The following PRR16 variants were observed in gnomAD, a reference collection of about 807,000 sequenced individuals.
PRR16 encodes the protein protein Largen.
Under a neutral mutation model 18.2 loss-of-function variants are expected in PRR16, and 6 were observed. The observed-to-expected ratio is 0.33, with a 90% CI of 0.18 to 0.65. The LOEUF (loss-of-function observed/expected upper bound fraction) is 0.65. Among genes scored for constraint, PRR16 ranks in the 30% least tolerant of loss-of-function variants. PRR16 has a pLI of 0.74. For synonymous variants in PRR16, 151 were observed against 147.8 expected (o/e 1.02, Z -0.16); for missense variants, 412 against 376.6 (o/e 1.09, Z -0.78).
At chr5:120,527,740 G>A (rs1465711853) in intron 1 of PRR16, among the ~76,000 whole-genome samples, 1 of 152,180 alleles carries the variant, frequency 6.6e-6, no homozygotes, top group Non-Finnish European at 1.5e-5. Context: ...GCTAGACAGG[G>A]TTGACAAATG....
At chr5:120,629,320 G>T (rs959679306) in intron 1 of PRR16, among the ~76,000 whole-genome samples, 2 of 151,928 alleles carry the variant, frequency 1.3e-5, no homozygotes, top group African/African-American at 4.8e-5. Context: ...ATAATTTTGA[G>T]TATATACTCA....
the PRR16 span, among the ~76,000 whole-genome samples, chr5:120,739,967 A>G: frequency 6.6e-6 from 1 of 152,186 alleles, no homozygotes; most frequent in African/African-American, 2.4e-5. Context: ...TTGATCCACT[A>G]AAATGTTTTA....
rs553764223 is a variant in PRR16 at position 120,592,868 on chromosome 5, G to A, written c.160-93086G>A. Among the ~76,000 whole-genome samples, 129 of 152,000 alleles carry A rather than the reference G, an allele frequency of 8.5e-4. 1 individual carries two copies. Among genetic ancestry groups the A allele is most frequent in the African/African-American group, 3.0e-3 (124 of 41,486 alleles). On this transcript the variant is annotated intron_variant, in intron 1 of 1. Coordinates refer to ENST00000407149, the MANE Select transcript of PRR16 (RefSeq NM_001300783.2). ...CTAAAAATATATTACTCTTTTTTTA[G>A]AGAAGCATGAGATAATTGAAGTTAC...
At chr5:120,670,006 A>G (rs1280520324) in intron 1 of PRR16, among the ~76,000 whole-genome samples, 6 of 152,132 alleles carry the variant, frequency 3.9e-5, no homozygotes, top group African/African-American at 9.6e-5. Flanking sequence ...AAAATAAACA[A>G]TACTTTTATT....
At chr5:120,650,452 A>G (rs1043686581) in intron 1 of PRR16, among the ~76,000 whole-genome samples, 17 of 150,790 alleles carry the variant, frequency 1.1e-4, no homozygotes, top group African/African-American at 3.7e-4. Context: ...AACATTAGGT[A>G]TATCTCCAAA....
chr5:120,689,897 T>C (rs867652361), downstream of PRR16, among the ~76,000 whole-genome samples: 57 of 152,042 alleles, frequency 3.7e-4, no homozygotes, highest in African/African-American at 1.2e-3. Context: ...TAAAGGGAAA[T>C]GAAACACATT....
the PRR16 span, among the ~76,000 whole-genome samples, chr5:120,793,774 G>T: frequency 6.6e-6 from 1 of 152,112 alleles, no homozygotes; most frequent in African/African-American, 2.4e-5. Flanking sequence ...GAGGAGTTAG[G>T]TGATTTCATT....
chr5:120,648,567 C>G (rs1755672854), intron 1 of PRR16, among the ~76,000 whole-genome samples: 1 of 152,170 alleles, frequency 6.6e-6, no homozygotes, highest in South Asian at 2.1e-4. Flanking sequence ...ATAAATATCT[C>G]TATTATTTTT....
chr5:120,727,084 T>C, the PRR16 span, among the ~76,000 whole-genome samples: 102 of 152,210 alleles, frequency 6.7e-4, 2 homozygotes, highest in East Asian at 0.018. Context: ...GATCATCCAC[T>C]GAATGATCAA....
the PRR16 span, among the ~76,000 whole-genome samples, chr5:120,740,605 A>T: frequency 6.6e-6 from 1 of 152,148 alleles, no homozygotes; most frequent in Non-Finnish European, 1.5e-5. Flanking sequence ...TATCAATACC[A>T]TACTGTCTTA....
At chr5:120,527,167 T>A (rs1751399378) in intron 1 of PRR16, among the ~76,000 whole-genome samples, 1 of 152,204 alleles carries the variant, frequency 6.6e-6, no homozygotes, top group Non-Finnish European at 1.5e-5. Context: ...AGGCTTTGTG[T>A]CTGAGAGGCA....
intron 1 of PRR16, among the ~76,000 whole-genome samples, chr5:120,522,036 G>A (rs573482802): frequency 1.3e-5 from 2 of 152,310 alleles, no homozygotes; most frequent in East Asian, 1.9e-4. Flanking sequence ...ATTCCATGGT[G>A]TATATGTGCC....
At chr5:120,722,466 ATAGTAAGGTCC>A in the PRR16 span, among the ~76,000 whole-genome samples, 1 of 152,054 alleles carries the variant, frequency 6.6e-6, no homozygotes, top group Non-Finnish European at 1.5e-5. Context: ...TATTGAATGT[ATAGTAAGGTCC>A]AGGTTTTGTA....
intron 1 of PRR16, among the ~76,000 whole-genome samples, chr5:120,562,905 G>C (rs1156610078): frequency 6.6e-6 from 1 of 151,930 alleles, no homozygotes; most frequent in Non-Finnish European, 1.5e-5. Flanking sequence ...TTTAAGAGTA[G>C]GTTGTATATT....
the PRR16 span, among the ~76,000 whole-genome samples, chr5:120,731,786 T>G: frequency 2.0e-5 from 3 of 152,306 alleles, no homozygotes; most frequent in African/African-American, 7.2e-5. Context: ...ACTGATTCTG[T>G]TTGAATGCTC....
chr5:120,639,713 A>G (rs1258520178), intron 1 of PRR16, among the ~76,000 whole-genome samples: 1 of 151,846 alleles, frequency 6.6e-6, no homozygotes, highest in African/African-American at 2.4e-5. Context: ...CTGTGCAGTC[A>G]CTGTGGAAAG....
intron 1 of PRR16, among the ~76,000 whole-genome samples, chr5:120,562,499 C>A (rs1752608083): frequency 6.6e-6 from 1 of 151,954 alleles, no homozygotes; most frequent in African/African-American, 2.4e-5. Context: ...ATGAGTAGGA[C>A]TTTCTCCTGA....
In PRR16 at chr5:120,581,824, T is replaced by A. The variant is rs919640006; in HGVS notation, c.160-104130T>A. Among the ~76,000 whole-genome samples the A allele has an allele frequency of 2.0e-5, 3 of 152,096 alleles. No homozygotes were observed. In the East Asian group the frequency reaches 5.8e-4, roughly 29 times the overall value. On this transcript the variant is annotated intron_variant, in intron 1 of 1. Transcript: ENST00000407149. ...GTTCAATTTCCATGAAATTGTGTGG[T>A]TTTGAGTGGGTTTCTTAATCTTGAG...
intron 1 of PRR16, among the ~76,000 whole-genome samples, chr5:120,515,971 G>GTTT (rs1750976863): frequency 6.6e-6 from 1 of 152,088 alleles, no homozygotes; most frequent in African/African-American, 2.4e-5. Context: ...TAAATCTGTA[G>GTTT]TGTTTTTCTT....
Sources: allele counts gnomAD v4.1 joint callset (sites outside exome capture counted in the v4.1 genomes callset), GRCh38; gene constraint gnomAD v4.1.1; transcripts MANE v1.5; gene names NCBI Gene and HGNC (gene_info 2026-07-23, HGNC 2026-07-21).